SLFN11: variants seen among roughly 807,000 people sequenced by gnomAD.
SLFN11 encodes schlafen family member 11.
SLFN11 carries 43 observed loss-of-function variants against 53.4 expected under a neutral mutation model. That is an observed-to-expected ratio of 0.80 (90% CI 0.63 to 1.04). The LOEUF (loss-of-function observed/expected upper bound fraction) is 1.04. SLFN11 is among the 50% of genes least tolerant of loss of function. SLFN11 has a pLI of 0.00. For missense variants in SLFN11, 990 were observed against 1,079.1 expected (o/e 0.92, Z 1.16); for synonymous variants, 389 against 394.7 (o/e 0.99, Z 0.17).
intron 1 of SLFN11, among the ~76,000 whole-genome samples, chr17:35,372,684 C>T (rs1201844251): frequency 6.6e-6 from 1 of 151,796 alleles, no homozygotes; most frequent in African/African-American, 2.4e-5. Flanking sequence ...CGATGGATAC[C>T]CCCATTTACC....
At position 35,353,764 on chromosome 17, in the gene SLFN11, T is replaced by C. The variant is rs112950063; in HGVS notation, c.1494A>G (p.Leu498=). The change falls in exon 6 of 7, where the codon CTA becomes CTG. Residue 498 remains leucine (L), a synonymous_variant. Coordinates refer to ENST00000685675, the MANE Select transcript of SLFN11 (RefSeq NM_001376007.1). ...TCCCGGTGTAGCCCCCCATGTTCACTAGCTTCTGCTTCAAAGTAAAGGCGG... is the reference window on the plus strand; with the variant it reads ...TCCCGGTGTAGCCCCCCATGTTCACCAGCTTCTGCTTCAAAGTAAAGGCGG... ...TRTAFTLKQK[L]VNMGGYTGKV... is the part of the protein sequence containing the mutation. 0.012 allele frequency: 18,346 copies of C among 1,539,128 alleles called. 147 individuals are homozygous for C. Among genetic ancestry groups the C allele is most frequent in the Non-Finnish European group, 0.013 (14,584 of 1,139,572 alleles).
chr17:35,363,597 CG>C lies in SLFN11; in HGVS notation c.210del (p.Val71TrpfsTer7), dbSNP rs1567824874. ...VIRMAKKVEH[P>X]VEMGLDLEQS... ...TGTTCTAAATCCAGTCCCATCTCCA[CG>C]GGATGCTCAACCTTCTTGGCCATTC... On this transcript the variant is annotated frameshift_variant, in exon 4 of 7. Transcript: ENST00000685675. LOFTEE classifies it high-confidence loss of function. The C allele has an allele frequency of 6.2e-7, 1 of 1,613,614 alleles. No individual in the cohort carries two copies.
intron 4 of SLFN11, among the ~76,000 whole-genome samples, chr17:35,362,001 TG>T (rs1358155792): frequency 1.1e-4 from 16 of 152,154 alleles, no homozygotes; most frequent in East Asian, 5.8e-4. Context: ...CCCAAAATGC[TG>T]GGATTAGAGG....
At chr17:35,358,863 T>C (rs889767733) in intron 5 of SLFN11, among the ~76,000 whole-genome samples, 1 of 152,024 alleles carries the variant, frequency 6.6e-6, no homozygotes, top group African/African-American at 2.4e-5. Context: ...ACTTAAAAAA[T>C]AGCTTAGGGC....
Position 35,363,072 on chromosome 17 carries a change from G to A in SLFN11, c.736C>T (p.Leu246Phe), listed in dbSNP as rs1168142674. ...PAFANTGGGY[L>F]FIGVDDKSRE... is the part of the protein sequence containing the mutation. ...CTCTTATCATCCACTCCAATAAAAA[G>A]ATAGCCTCCTCCAGTGTTTGCAAAT... The change falls in exon 4 of 7, where the codon CTT becomes TTT. Residue 246 changes from leucine (L) to phenylalanine (F), a missense_variant. Leu to Phe is a conservative substitution (Grantham distance 22). Around this residue, in one of 3 missense-constraint regions of SLFN11, gnomAD observed 521 missense variants for 516.2 expected, o/e 1.01. Transcript: ENST00000685675. 2 of 1,614,004 alleles carry A rather than the reference G, an allele frequency of 1.2e-6. 1 individual carries two copies. Among genetic ancestry groups the A allele is most frequent in the South Asian group, 2.2e-5 (2 of 91,084 alleles).
chr17:35,370,902 A>G (rs1402359961), intron 1 of SLFN11, among the ~76,000 whole-genome samples: 2 of 152,138 alleles, frequency 1.3e-5, no homozygotes, highest in East Asian at 3.8e-4. Flanking sequence ...TCCCAAAGCA[A>G]TCTACAGATT....
At chr17:35,362,628 G>A (rs948991357) in intron 4 of SLFN11, 111 bp downstream of exon 4, 3 of 770,492 alleles carry the variant, frequency 3.9e-6, no homozygotes, top group South Asian at 6.6e-5. Context: ...TCAAAATAAA[G>A]TGTTCAGTGG....
intron 4 of SLFN11, 109 bp downstream of exon 4, chr17:35,362,630 G>T (rs981642391): frequency 6.2e-6 from 5 of 803,038 alleles, no homozygotes; most frequent in Middle Eastern, 3.9e-4. Flanking sequence ...AAAATAAAGT[G>T]TTCAGTGGAT....
At chr17:35,360,852 C>T (rs144766444) in intron 4 of SLFN11, among the ~76,000 whole-genome samples, 1 of 152,180 alleles carries the variant, frequency 6.6e-6, no homozygotes, top group Non-Finnish European at 1.5e-5. Context: ...TGCCTGTAGC[C>T]TCAGCTACTC....
At chr17:35,361,493 TCACTCTCACC>T (rs1032408243) in intron 4 of SLFN11, among the ~76,000 whole-genome samples, 2 of 151,854 alleles carry the variant, frequency 1.3e-5, no homozygotes, top group Non-Finnish European at 1.5e-5. Flanking sequence ...AGACAGGGTC[TCACTCTCACC>T]CATGCTGGGG....
intron 5 of SLFN11, among the ~76,000 whole-genome samples, chr17:35,356,413 C>T (rs141051465): frequency 2.5e-3 from 385 of 152,166 alleles, no homozygotes; most frequent in African/African-American, 8.9e-3. Context: ...CACTCCTACT[C>T]TCATTTTCTT....
chr17:35,352,358 A>G lies in SLFN11; in HGVS notation c.2704T>C (p.Ter902GlnextTer18), dbSNP rs1355809161. The G allele has an allele frequency of 6.2e-7, 1 of 1,613,430 alleles. No homozygotes were observed. The highest frequency in any genetic ancestry group is 1.7e-4 in the Middle Eastern group (1 of 6,056). The change falls in exon 7 of 7, where the codon TAG becomes CAG. Residue 902 changes from the stop codon to glutamine, a stop_lost. Transcript: ENST00000685675. ...AGCATTTTGATTTGGAGTTCTTCCT[A>G]ATGGCCACCCCACGGAAAAATATAC... ...HLYIFPWGGH[*>Q]
intron 3 of SLFN11, among the ~76,000 whole-genome samples, chr17:35,365,787 A>G (rs1337500902): frequency 6.6e-6 from 1 of 152,186 alleles, no homozygotes; most frequent in Non-Finnish European, 1.5e-5. Flanking sequence ...AGGTTTGCAA[A>G]AAATAATATA....
intron 1 of SLFN11, among the ~76,000 whole-genome samples, chr17:35,368,564 GCCACAAGGA>G (rs1331286336): frequency 6.6e-6 from 1 of 151,962 alleles, no homozygotes; most frequent in Non-Finnish European, 1.5e-5. Flanking sequence ...GGCATTCTAG[GCCACAAGGA>G]CTGAAACTCC....
At chr17:35,373,298 T>G (rs1240881935) in intron 1 of SLFN11, among the ~76,000 whole-genome samples, 176 bp downstream of exon 1, 1 of 72,310 alleles carries the variant, frequency 1.4e-5, no homozygotes, top group Non-Finnish European at 2.6e-5. Flanking sequence ...CAGTCCTCCA[T>G]AGTCCGCTTT....
chr17:35,353,548 G>A lies in SLFN11; in HGVS notation c.1710C>T (p.Gly570=). Reference sequence around the variant, plus strand: ...CTGTGAGCAGATTTAAAACCTCACAGCCGAGCTGGTCACTCAAGAGAGACC... The same window carrying A: ...CTGTGAGCAGATTTAAAACCTCACAACCGAGCTGGTCACTCAAGAGAGACC... The part of the protein sequence containing the change: ...GFRSLLSDQL[G]CEVLNLLTAQ... Residue 570 remains glycine (G), a synonymous_variant, in exon 6 of 7, where the codon GGC becomes GGT. Coordinates refer to ENST00000685675, the MANE Select transcript of SLFN11 (RefSeq NM_001376007.1). 2 of 1,343,908 alleles carry A rather than the reference G, an allele frequency of 1.5e-6. No individual in the cohort carries two copies. Among genetic ancestry groups the A allele is most frequent in the South Asian group, 1.4e-5 (1 of 69,102 alleles). 83.2% of individuals were successfully genotyped at this position (1,343,908 alleles called of 1,614,324 possible).
intron 1 of SLFN11, among the ~76,000 whole-genome samples, chr17:35,373,263 C>G (rs1006926623): frequency 4.7e-5 from 7 of 149,376 alleles, no homozygotes; most frequent in African/African-American, 1.5e-4. Flanking sequence ...CTTCTACCCC[C>G]ATTACCCACC....
chr17:35,352,769 G>GA lies in SLFN11; in HGVS notation c.2292dup (p.Pro765SerfsTer2), dbSNP rs868164076. On this transcript the variant is annotated frameshift_variant, in exon 7 of 7. Transcript: ENST00000685675. LOFTEE classifies it low-confidence loss of function (END_TRUNC). ...ACACCCTGGGACCATTCGGCTTCAG[G>GA]AAATACCTCGAGGCACCCAGTGGGG... is the stretch of plus-strand genomic sequence containing the variant. The GA allele has an allele frequency of 1.9e-6, 3 of 1,614,076 alleles. No homozygotes were observed. The African/African-American group carries it at 4.0e-5, about 22-fold the overall frequency.
At chr17:35,366,157 C>G (rs376966277) in intron 3 of SLFN11, among the ~76,000 whole-genome samples, 13 of 152,050 alleles carry the variant, frequency 8.5e-5, no homozygotes, top group African/African-American at 2.9e-4. Context: ...ACAGAAGTAA[C>G]TGAAATCTGG....
Sources: allele counts gnomAD v4.1 joint callset (sites outside exome capture counted in the v4.1 genomes callset), GRCh38; gene constraint gnomAD v4.1.1; regional missense constraint gnomAD v4.1.1; transcripts MANE v1.5; gene names NCBI Gene and HGNC (gene_info 2026-07-23, HGNC 2026-07-21).